The following LMX1A variants were observed in gnomAD, a reference collection of about 807,000 sequenced individuals.
LMX1A encodes the protein LIM homeobox transcription factor 1-alpha.
A neutral mutation model predicts 49.1 loss-of-function variants in LMX1A; 15 were observed. The observed-to-expected ratio is 0.31, with a 90% CI of 0.20 to 0.47. LMX1A has a LOEUF of 0.47. Ranked by LOEUF, LMX1A falls within the 20% of genes least tolerant of loss-of-function variation. The probability of loss-of-function intolerance (pLI) is 1.00; values close to 1 mark genes in which losing one functional copy is unlikely to be tolerated. For synonymous variants in LMX1A, 167 were observed against 185.7 expected (o/e 0.90, Z 0.82); for missense variants, 372 against 475.8 (o/e 0.78, Z 2.03).
intron 3 of LMX1A, among the ~76,000 whole-genome samples, chr1:165,252,343 A>G (rs2102640548): frequency 6.6e-6 from 1 of 152,244 alleles, no homozygotes. Flanking sequence ...CTTCCTTGTC[A>G]CTCCAGAGAA....
chr1:165,329,613 C>G (rs535002648), intron 3 of LMX1A, among the ~76,000 whole-genome samples: 1 of 150,860 alleles, frequency 6.6e-6, no homozygotes, highest in Non-Finnish European at 1.5e-5. Context: ...CACATGCAAC[C>G]CCCCCACCCC....
intron 3 of LMX1A, among the ~76,000 whole-genome samples, chr1:165,287,378 C>T (rs986169373): frequency 6.6e-5 from 10 of 152,144 alleles, no homozygotes; most frequent in African/African-American, 1.7e-4. Flanking sequence ...CTACACCTCT[C>T]GGACTACACC....
At chr1:165,311,414 C>T (rs1655072234) in intron 3 of LMX1A, among the ~76,000 whole-genome samples, 1 of 152,210 alleles carries the variant, frequency 6.6e-6, no homozygotes, top group Admixed American at 6.5e-5. Flanking sequence ...TTCCCAAGCC[C>T]ATTCTACTTC....
intron 5 of LMX1A, chr1:165,213,406 A>G: frequency 2.2e-6 from 1 of 449,532 alleles, no homozygotes; most frequent in Middle Eastern, 5.7e-4. Flanking sequence ...AAGGTGTGAC[A>G]GGGGCCATTT....
At chr1:165,329,280 C>A (rs1655672235) in intron 3 of LMX1A, among the ~76,000 whole-genome samples, 1 of 152,178 alleles carries the variant, frequency 6.6e-6, no homozygotes. Context: ...CGGTCACCTC[C>A]CACCAGGTCT....
chr1:165,208,803 C>T (rs1017250416), intron 6 of LMX1A, among the ~76,000 whole-genome samples: 4 of 152,124 alleles, frequency 2.6e-5, no homozygotes, highest in African/African-American at 4.8e-5. Flanking sequence ...CCCGCCACTA[C>T]GCCTGGCTAA....
intron 3 of LMX1A, among the ~76,000 whole-genome samples, chr1:165,304,076 A>G (rs1458763521): frequency 6.6e-6 from 1 of 152,016 alleles, no homozygotes; most frequent in East Asian, 1.9e-4. Flanking sequence ...GGTTCTACTG[A>G]TCCTCAGTTC....
At chr1:165,284,968 T>A (rs1654263529) in intron 3 of LMX1A, among the ~76,000 whole-genome samples, 1 of 152,216 alleles carries the variant, frequency 6.6e-6, no homozygotes, top group Non-Finnish European at 1.5e-5. Context: ...CTTCAGTCTC[T>A]CTATCTGTGA....
At chr1:165,245,472 T>C (rs1450236357) in intron 4 of LMX1A, among the ~76,000 whole-genome samples, 1 of 152,176 alleles carries the variant, frequency 6.6e-6, no homozygotes, top group Non-Finnish European at 1.5e-5. Flanking sequence ...TCTCATATGT[T>C]CCTTGGCCTT....
intron 3 of LMX1A, among the ~76,000 whole-genome samples, chr1:165,262,978 C>T (rs1369889709): frequency 2.6e-5 from 4 of 152,176 alleles, no homozygotes; most frequent in Admixed American, 1.3e-4. Context: ...CTAAGCCCAT[C>T]AGCAGGCTTG....
chr1:165,216,736 A>G (rs1226650670), intron 4 of LMX1A, among the ~76,000 whole-genome samples: 3 of 152,238 alleles, frequency 2.0e-5, no homozygotes, highest in Non-Finnish European at 4.4e-5. Flanking sequence ...GAAAATGTAA[A>G]GTCTAAAATA....
chr1:165,217,730 T>C (rs969846734), intron 4 of LMX1A, among the ~76,000 whole-genome samples: 3 of 152,222 alleles, frequency 2.0e-5, no homozygotes, highest in Non-Finnish European at 4.4e-5. Flanking sequence ...AATCCACATA[T>C]AAGTGGACTT....
intron 3 of LMX1A, among the ~76,000 whole-genome samples, chr1:165,315,172 C>T (rs553374257): frequency 6.6e-6 from 1 of 152,324 alleles, no homozygotes; most frequent in South Asian, 2.1e-4. Context: ...CTACCCCTCC[C>T]TGTTTAGTGA....
chr1:165,348,153 A>G (rs1264633967), intron 3 of LMX1A, among the ~76,000 whole-genome samples: 1 of 152,266 alleles, frequency 6.6e-6, no homozygotes, highest in Non-Finnish European at 1.5e-5. Flanking sequence ...TAGGTGTAAT[A>G]TGTAAAACGA....
intron 3 of LMX1A, among the ~76,000 whole-genome samples, chr1:165,296,425 C>A (rs966470630): frequency 1.3e-5 from 2 of 152,276 alleles, no homozygotes; most frequent in African/African-American, 4.8e-5. Context: ...TGAACCTTCT[C>A]AAGGGAGAGG....
At chr1:165,286,116 C>T (rs1244720156) in intron 3 of LMX1A, among the ~76,000 whole-genome samples, 1 of 152,198 alleles carries the variant, frequency 6.6e-6, no homozygotes, top group Non-Finnish European at 1.5e-5. Flanking sequence ...ATTTCCACTG[C>T]TTTCACAATC....
chr1:165,265,127 C>T (rs1021876088), intron 3 of LMX1A, among the ~76,000 whole-genome samples: 2 of 151,528 alleles, frequency 1.3e-5, no homozygotes, highest in African/African-American at 4.9e-5. Flanking sequence ...TGGCGGGAAC[C>T]CAGGAGGTGG....
intron 3 of LMX1A, among the ~76,000 whole-genome samples, chr1:165,269,398 CT>C (rs1653721370): frequency 6.6e-6 from 1 of 152,214 alleles, no homozygotes; most frequent in Non-Finnish European, 1.5e-5. Flanking sequence ...GACATCTCCC[CT>C]GGTGACCCTT....
chr1:165,283,611 G>C (rs1324556554), intron 3 of LMX1A, among the ~76,000 whole-genome samples: 1 of 152,078 alleles, frequency 6.6e-6, no homozygotes, highest in African/African-American at 2.4e-5. Flanking sequence ...GTAGCCATCT[G>C]GTCACTTTAC....
Sources: allele counts gnomAD v4.1 joint callset (sites outside exome capture counted in the v4.1 genomes callset), GRCh38; gene constraint gnomAD v4.1.1; transcripts MANE v1.5; gene names NCBI Gene and HGNC (gene_info 2026-07-23, HGNC 2026-07-21).